The following PFKFB4 variants were observed in gnomAD, a reference collection of about 807,000 sequenced individuals.
PFKFB4 encodes the protein 6-phosphofructo-2-kinase/fructose-2,6-bisphosphatase 4.
A neutral mutation model predicts 62.8 loss-of-function variants in PFKFB4; 42 were observed. That is an observed-to-expected ratio of 0.67 (90% CI 0.52 to 0.86). The LOEUF is 0.86. Among genes scored for constraint, PFKFB4 ranks in the 40% least tolerant of loss-of-function variants. The pLI, the probability that PFKFB4 is intolerant of heterozygous loss-of-function variation, is 0.00. For synonymous variants in PFKFB4, 204 were observed against 240.7 expected, an observed-to-expected ratio of 0.85 and a Z score of 1.41; for missense variants, 475 against 627.2, an observed-to-expected ratio of 0.76 and a Z score of 2.59.
chr3:48,547,034 T>A (rs1450306185), intron 3 of PFKFB4, among the ~76,000 whole-genome samples: 1 of 152,168 alleles, frequency 6.6e-6, no homozygotes, highest in Non-Finnish European at 1.5e-5. Flanking sequence ...GTACTAAGTC[T>A]TAGCCATGAG....
At chr3:48,537,407 C>A (rs192628458) in intron 7 of PFKFB4, among the ~76,000 whole-genome samples, 1 of 152,228 alleles carries the variant, frequency 6.6e-6, no homozygotes, top group Admixed American at 6.5e-5. Context: ...TGCCATTCAG[C>A]TCAGGCCCGG....
At chr3:48,551,294 C>A (rs929353182) in intron 1 of PFKFB4, among the ~76,000 whole-genome samples, 3 of 150,246 alleles carry the variant, frequency 2.0e-5, no homozygotes, top group Non-Finnish European at 4.4e-5. Context: ...TGGCTCACTG[C>A]AACCTCTGCC....
rs2042172799 is a variant in PFKFB4 at position 48,523,811 on chromosome 3, T to G, written c.1112A>C (p.Gln371Pro). 2 of 1,614,150 alleles carry G rather than the reference T, an allele frequency of 1.2e-6. No homozygotes were observed. The highest frequency in any genetic ancestry group is 1.7e-6 in the Non-Finnish European group (2 of 1,180,010). ...PKGESYEDLV[Q>P]RLEPVIMELE... ...CTCCATGATGACAGGCTCCAGTCTC[T>G]GGACCAGGTCCTCGTAGGACTGCAA... Residue 371 changes from glutamine (Q) to proline (P), a missense_variant, in exon 11 of 14, where the codon CAG becomes CCG. Physicochemically the swap from Gln to Pro is moderately conservative, Grantham distance 76 (BLOSUM62 -1). Transcript: ENST00000232375.
At chr3:48,535,714 A>C (rs897971051) in intron 8 of PFKFB4, 56 bp from the exon 9 acceptor site, 3 of 1,606,444 alleles carry the variant, frequency 1.9e-6, no homozygotes, top group Non-Finnish European at 2.6e-6. Flanking sequence ...CCCTTAAAGC[A>C]TCCCATAGCC....
chr3:48,529,798 A>G (rs918459790), intron 9 of PFKFB4, among the ~76,000 whole-genome samples: 1 of 152,178 alleles, frequency 6.6e-6, no homozygotes, highest in Non-Finnish European at 1.5e-5. Flanking sequence ...TACAGAAAAT[A>G]CAAAAATTAG....
At position 48,519,607 on chromosome 3, in the gene PFKFB4, G is replaced by A. The variant is rs1367005738; in HGVS notation, c.*140C>T. On this transcript the variant is annotated 3_prime_UTR_variant, in exon 14 of 14. Transcript: ENST00000232375. Reference sequence around the variant, plus strand: ...AAAGAGCCAGGTGGGCTGGGGTGGGGGCTCTGGGTTCCGCCAGCCATGTGT... The same window carrying A: ...AAAGAGCCAGGTGGGCTGGGGTGGGAGCTCTGGGTTCCGCCAGCCATGTGT... 4.4e-6 allele frequency: 3 copies of A among 679,610 alleles called. No individual in the cohort carries two copies. The highest frequency in any genetic ancestry group is 1.8e-5 in the African/African-American group (1 of 56,328). 42.1% of individuals were successfully genotyped at this position (679,610 alleles called of 1,614,324 possible). A position where few individuals can be genotyped will look rare whatever the true frequency, so the allele number is the denominator to read the frequency against.
chr3:48,522,153 G>A lies in PFKFB4; in HGVS notation c.1286-103C>T. Reference sequence around the variant, plus strand: ...GGGGGGTCTGGGCGTGTGGAATGGAGCAGCCATCTCAGCCTCACTCTAGTT... The same window carrying A: ...GGGGGGTCTGGGCGTGTGGAATGGAACAGCCATCTCAGCCTCACTCTAGTT... On this transcript the variant is annotated intron_variant, in intron 12 of 13. Coordinates refer to ENST00000232375, the MANE Select transcript of PFKFB4 (RefSeq NM_004567.4). 4.9e-6 allele frequency: 5 copies of A among 1,015,020 alleles called. No individual in the cohort carries two copies. In the South Asian group the frequency reaches 6.5e-5, roughly 13 times the overall value. 62.9% of individuals were successfully genotyped at this position (1,015,020 alleles called of 1,614,324 possible). A position where few individuals can be genotyped will look rare whatever the true frequency, so the allele number is the denominator to read the frequency against.
upstream of PFKFB4, chr3:48,557,087 G>A: frequency 1.4e-6 from 1 of 740,612 alleles, no homozygotes; most frequent in Non-Finnish European, 1.9e-6. Flanking sequence ...TTCAAGGCCC[G>A]GATTGTGCAG....
chr3:48,556,297 C>T lies in PFKFB4; in HGVS notation c.97+384G>A. ...ACAGCTCAGTTCCAGTCCAACAACC[C>T]GGCCCACACTCCTTGGCCAGGAGAG... On this transcript the variant is annotated intron_variant, in intron 1 of 13. Transcript: ENST00000232375. The surrounding 1 kb of genome is among the most constrained non-coding windows in gnomAD (Gnocchi z 5.7). The T allele has an allele frequency of 2.0e-6, 1 of 500,286 alleles. No homozygotes were observed. Among genetic ancestry groups the T allele is most frequent in the Non-Finnish European group, 3.9e-6 (1 of 255,678 alleles). 31.0% of individuals were successfully genotyped at this position (500,286 alleles called of 1,614,324 possible). A position where few individuals can be genotyped will look rare whatever the true frequency, so the allele number is the denominator to read the frequency against.
chr3:48,556,949 G>A, upstream of PFKFB4: 1 of 1,394,302 alleles, frequency 7.2e-7, no homozygotes, highest in South Asian at 1.6e-5. This position sits in a 1 kb window ranked among gnomAD's most constrained non-coding sequence, Gnocchi z 5.7. Flanking sequence ...CAGCTGAAAG[G>A]GGCCCGGCCT....
intron 12 of PFKFB4, among the ~76,000 whole-genome samples, chr3:48,522,887 A>G (rs1352724943): frequency 6.6e-6 from 1 of 151,190 alleles, no homozygotes; most frequent in Non-Finnish European, 1.5e-5. Context: ...CAGCCTCCCA[A>G]GTAGCTGGGA....
intron 1 of PFKFB4, among the ~76,000 whole-genome samples, chr3:48,551,238 C>T (rs541319810): frequency 2.9e-5 from 4 of 138,042 alleles, no homozygotes; most frequent in East Asian, 2.1e-4. Context: ...TTTTTTGAGA[C>T]GGAGTCTCAC....
chr3:48,558,060 A>T (rs1324014348), upstream of PFKFB4, among the ~76,000 whole-genome samples: 1 of 152,142 alleles, frequency 6.6e-6, no homozygotes, highest in Non-Finnish European at 1.5e-5. Context: ...TTACAGTATA[A>T]ATTAAGTATG....
At position 48,521,949 on chromosome 3, in the gene PFKFB4, G is replaced by T. The variant is rs1190261991; in HGVS notation, c.1350+37C>A. 5.1e-6 allele frequency: 8 copies of T among 1,582,044 alleles called. No homozygotes were observed. The Admixed American group carries it at 6.7e-5, about 13-fold the overall frequency. On this transcript the variant is annotated intron_variant, in intron 13 of 13. Coordinates refer to ENST00000232375, the MANE Select transcript of PFKFB4 (RefSeq NM_004567.4). The surrounding 1 kb of genome is among the most constrained non-coding windows in gnomAD (Gnocchi z 5.3). Reference sequence around the variant, plus strand: ...TGCAGTCTGGACACCCCCACATCAGGAACACCCCGCTACCCCAGCAGTGAC... The same window carrying T: ...TGCAGTCTGGACACCCCCACATCAGTAACACCCCGCTACCCCAGCAGTGAC...
chr3:48,535,732 C>T (rs1041308674), intron 8 of PFKFB4, 74 bp from the exon 9 acceptor site: 1 of 1,567,946 alleles, frequency 6.4e-7, no homozygotes. Context: ...GCCGCAGGGT[C>T]CATGAGATCA....
rs1282417280 is a variant in PFKFB4, at chr3:48,518,452, C to T, written c.*1295G>A. On this transcript the variant is annotated 3_prime_UTR_variant, in exon 14 of 14. Coordinates refer to ENST00000232375, the MANE Select transcript of PFKFB4 (RefSeq NM_004567.4). ...GAGTCCACCTGTGGACAGCAGGGCA[C>T]CCGATTACAAGTCCAGACACTTTCT... The T allele has an allele frequency of 1.3e-5, 2 of 152,304 alleles. No individual in the cohort carries two copies. The highest frequency in any genetic ancestry group is 4.8e-5 in the African/African-American group (2 of 41,470). The allele number at this position is 152,304 out of a possible 1,614,324, so 9.4% of individuals were successfully genotyped here. A position where few individuals can be genotyped will look rare whatever the true frequency, so the allele number is the denominator to read the frequency against.
At chr3:48,544,244 T>C (rs1180292241) in intron 3 of PFKFB4, among the ~76,000 whole-genome samples, 2 of 152,008 alleles carry the variant, frequency 1.3e-5, no homozygotes, top group African/African-American at 4.8e-5. Flanking sequence ...CAGGAGTTGG[T>C]GGTGGGGATG....
chr3:48,523,485 A>G lies in PFKFB4; in HGVS notation c.1285+52T>C, dbSNP rs375147372. The G allele has an allele frequency of 4.0e-6, 6 of 1,512,134 alleles. No individual in the cohort carries two copies. The African/African-American group carries it at 6.9e-5, about 17-fold the overall frequency. 93.7% of individuals were successfully genotyped at this position (1,512,134 alleles called of 1,614,324 possible). Reference sequence around the variant, plus strand: ...TTCGGAGAAAATCATGGAACTGTGCAGAGATCCAAGGTCATGGCTACCCAT... The same window carrying G: ...TTCGGAGAAAATCATGGAACTGTGCGGAGATCCAAGGTCATGGCTACCCAT... On this transcript the variant is annotated intron_variant, in intron 12 of 13. Transcript: ENST00000232375.
chr3:48,533,873 A>G (rs1299674348), intron 9 of PFKFB4, among the ~76,000 whole-genome samples: 1 of 152,190 alleles, frequency 6.6e-6, no homozygotes, highest in African/African-American at 2.4e-5. Context: ...AAATAAATAA[A>G]GGGACAAATC....
Sources: gnomAD v4.1 joint callset for allele counts (sites outside exome capture counted in the v4.1 genomes callset) on GRCh38, gnomAD v4.1.1 for gene constraint, Gnocchi (gnomAD v3.1) non-coding constraint, MANE v1.5 for transcripts, NCBI Gene and HGNC (gene_info 2026-07-23, HGNC 2026-07-21) for gene names.